AKAP6: variants seen among roughly 807,000 people sequenced by gnomAD.
The protein encoded by AKAP6 is A-kinase anchoring protein 6, also known as A-kinase anchor protein 6.
A neutral mutation model predicts 188.5 loss-of-function variants in AKAP6; 58 were observed. That is an observed-to-expected ratio of 0.31 (90% CI 0.25 to 0.38). AKAP6 has a LOEUF of 0.38. Among genes scored for constraint, AKAP6 ranks in the 10% least tolerant of loss-of-function variants. AKAP6 has a pLI of 1.00. For synonymous variants in AKAP6, 989 were observed against 998.6 expected (o/e 0.99, Z 0.18); for missense variants, 2,710 against 2,740.0 (o/e 0.99, Z 0.24).
intron 12 of AKAP6, among the ~76,000 whole-genome samples, chr14:32,812,617 GA>G (rs894879755): frequency 6.6e-6 from 1 of 152,156 alleles, no homozygotes; most frequent in African/African-American, 2.4e-5. Flanking sequence ...TACTTCTAGT[GA>G]AACATTCAGA....
At chr14:32,807,125 C>T (rs1344348672) in intron 12 of AKAP6, among the ~76,000 whole-genome samples, 1 of 151,316 alleles carries the variant, frequency 6.6e-6, no homozygotes, top group Non-Finnish European at 1.5e-5. Context: ...GCAGGAGGAT[C>T]GCTTGAGGCT....
chr14:32,354,475 G>GT (rs1887411814), intron 1 of AKAP6, among the ~76,000 whole-genome samples: 1 of 152,150 alleles, frequency 6.6e-6, no homozygotes, highest in Non-Finnish European at 1.5e-5. Flanking sequence ...TCTGTTTAGC[G>GT]TGGTGTCTGG....
intron 7 of AKAP6, among the ~76,000 whole-genome samples, chr14:32,661,661 A>G (rs368836388): frequency 6.6e-6 from 1 of 152,134 alleles, no homozygotes. Context: ...GGGACTAGCT[A>G]GAGACTGGAA....
intron 5 of AKAP6, among the ~76,000 whole-genome samples, chr14:32,596,759 A>C (rs1439451074): frequency 1.3e-5 from 2 of 152,208 alleles, no homozygotes; most frequent in African/African-American, 4.8e-5. Flanking sequence ...AAATGTGTTC[A>C]AGTATCAAGT....
At position 32,828,102 on chromosome 14, in the gene AKAP6, C is replaced by T. The variant is rs560702925; in HGVS notation, c.*43-1746C>T. Among the ~76,000 whole-genome samples, 24 of 152,152 alleles carry T rather than the reference C, an allele frequency of 1.6e-4. No homozygotes were observed. In the South Asian group the frequency reaches 5.0e-3, roughly 32 times the overall value. On this transcript the variant is annotated intron_variant, in intron 13 of 13. Transcript: ENST00000280979. Reference sequence around the variant, plus strand: ...GTCTGTAAATGTGATAGTTGGTGGCCAGTAGATTTTAGATTTTAGGCAATT... The same window carrying T: ...GTCTGTAAATGTGATAGTTGGTGGCTAGTAGATTTTAGATTTTAGGCAATT...
intron 12 of AKAP6, among the ~76,000 whole-genome samples, chr14:32,819,489 G>C (rs369446435): frequency 6.6e-6 from 1 of 152,152 alleles, no homozygotes; most frequent in African/African-American, 2.4e-5. Context: ...AAATATGCTA[G>C]CCTGTTATGC....
At chr14:32,615,412 T>TC (rs1886531587) in intron 7 of AKAP6, among the ~76,000 whole-genome samples, 1 of 67,846 alleles carries the variant, frequency 1.5e-5, no homozygotes, top group South Asian at 1.3e-3. Context: ...AAGTTCCTTC[T>TC]TTTTTTTTTT....
At chr14:32,672,887 T>C (rs981124696) in intron 7 of AKAP6, among the ~76,000 whole-genome samples, 1 of 152,176 alleles carries the variant, frequency 6.6e-6, no homozygotes, top group Non-Finnish European at 1.5e-5. Flanking sequence ...TAGGCGACTA[T>C]CTTGTCATGA....
intron 1 of AKAP6, among the ~76,000 whole-genome samples, chr14:32,400,003 GCTT>G (rs967138422): frequency 7.2e-5 from 11 of 151,848 alleles, no homozygotes; most frequent in Non-Finnish European, 1.5e-4. Context: ...TTACCAAGAG[GCTT>G]CTTCTTTTCT....
Position 32,821,856 on chromosome 14 carries a change from C to T in AKAP6, c.4043C>T (p.Pro1348Leu). The T allele has an allele frequency of 6.2e-7, 1 of 1,613,768 alleles. No homozygotes were observed. The highest frequency in any genetic ancestry group is 8.5e-7 in the Non-Finnish European group (1 of 1,179,912). The change falls in exon 13 of 14, where the codon CCC (proline) becomes CTC (leucine). Residue 1348 changes from proline to leucine, a missense_variant. By Grantham distance (98) the Pro-to-Leu change is moderately conservative (BLOSUM62 -3). Coordinates refer to ENST00000280979, the MANE Select transcript of AKAP6 (RefSeq NM_004274.5). ...CTAGGTGGTTCCAATTTGGTAAAGCCCTGCGCATGTCATGGAGGAGACATG... is the reference window on the plus strand; with the variant it reads ...CTAGGTGGTTCCAATTTGGTAAAGCTCTGCGCATGTCATGGAGGAGACATG... ...DLLGGSNLVK[P>L]CACHGGDMSQ...
At chr14:32,689,479 A>G (rs1374479641) in intron 8 of AKAP6, among the ~76,000 whole-genome samples, 1 of 152,206 alleles carries the variant, frequency 6.6e-6, no homozygotes. Context: ...AATTACTGCT[A>G]GAAAGAACTC....
At chr14:32,494,389 T>C (rs1190140152) in intron 2 of AKAP6, 3 of 152,226 alleles carry the variant, frequency 2.0e-5, no homozygotes, top group Non-Finnish European at 2.9e-5. Flanking sequence ...GGAGGCACTA[T>C]GCGTTTTCCT....
intron 4 of AKAP6, among the ~76,000 whole-genome samples, chr14:32,553,454 G>A (rs1883565211): frequency 6.6e-6 from 1 of 152,074 alleles, no homozygotes; most frequent in African/African-American, 2.4e-5. Context: ...TTACAGGCGT[G>A]AGCCACCGCG....
At chr14:32,812,823 C>A (rs2034270694) in intron 12 of AKAP6, among the ~76,000 whole-genome samples, 1 of 152,132 alleles carries the variant, frequency 6.6e-6, no homozygotes. Flanking sequence ...GTATCTAATT[C>A]TTTGATTTAT....
intron 2 of AKAP6, among the ~76,000 whole-genome samples, chr14:32,445,281 TG>T (rs1352470322): frequency 6.6e-6 from 1 of 152,156 alleles, no homozygotes; most frequent in Non-Finnish European, 1.5e-5. Flanking sequence ...CTGGAAAAAT[TG>T]CTGTACGTAC....
At chr14:32,534,988 C>A (rs1411179045) in intron 2 of AKAP6, among the ~76,000 whole-genome samples, 4 of 122,808 alleles carry the variant, frequency 3.3e-5, no homozygotes, top group Non-Finnish European at 4.9e-5. Flanking sequence ...CAAAAACAAA[C>A]CAAAAAAAAA....
At chr14:32,436,879 A>G (rs753608701) in intron 2 of AKAP6, among the ~76,000 whole-genome samples, 50 of 152,222 alleles carry the variant, frequency 3.3e-4, no homozygotes, top group Middle Eastern at 3.4e-3. Context: ...GAGGCTGCTG[A>G]TGCTCCACTG....
intron 5 of AKAP6, among the ~76,000 whole-genome samples, chr14:32,589,673 T>C (rs766155145): frequency 2.6e-5 from 4 of 152,224 alleles, no homozygotes; most frequent in African/African-American, 7.2e-5. Flanking sequence ...CCAGTAGTTA[T>C]TGTTTTGAAA....
At chr14:32,484,711 G>A (rs1879576488) in intron 2 of AKAP6, 1 of 215,020 alleles carries the variant, frequency 4.7e-6, no homozygotes. Context: ...TTAGAGCTGT[G>A]CCCAGGACTC....
Sources: allele counts gnomAD v4.1 joint callset (sites outside exome capture counted in the v4.1 genomes callset), GRCh38; gene constraint gnomAD v4.1.1; transcripts MANE v1.5; gene names NCBI Gene and HGNC (gene_info 2026-07-23, HGNC 2026-07-21).